PPHLN1: variants seen among roughly 807,000 people sequenced by gnomAD.
PPHLN1 encodes the protein periphilin 1, also known as periphilin-1.
PPHLN1 carries 29 observed loss-of-function variants against 51.3 expected under a neutral mutation model. The observed-to-expected ratio is 0.57, with a 90% CI of 0.42 to 0.77. The LOEUF is 0.77. Ranked by LOEUF, PPHLN1 falls within the 30% of genes least tolerant of loss-of-function variation. The pLI is 0.00. For missense variants in PPHLN1, 436 were observed against 438.4 expected, an observed-to-expected ratio of 0.99 and a Z score of 0.05; for synonymous variants, 147 against 147.8, an observed-to-expected ratio of 0.99 and a Z score of 0.04.
At chr12:42,410,148 CTT>C (rs561114989) in intron 9 of PPHLN1, among the ~76,000 whole-genome samples, 18 of 151,036 alleles carry the variant, frequency 1.2e-4, no homozygotes, top group Non-Finnish European at 2.2e-4. Context: ...TCAGTAGAGG[CTT>C]TCTTACATAC....
At chr12:42,344,220 G>GT (rs2071928700) in intron 2 of PPHLN1, among the ~76,000 whole-genome samples, 1 of 152,168 alleles carries the variant, frequency 6.6e-6, no homozygotes, top group South Asian at 2.1e-4. Flanking sequence ...CATTTGCATT[G>GT]TAAGTTGATT....
intron 9 of PPHLN1, chr12:42,431,945 T>C (rs1449242777): frequency 2.7e-6 from 4 of 1,504,896 alleles, no homozygotes; most frequent in Non-Finnish European, 3.7e-6. Context: ...CGATTAGTAC[T>C]GTGATGAGAT....
intron 4 of PPHLN1, among the ~76,000 whole-genome samples, chr12:42,364,953 A>G (rs2075113341): frequency 6.6e-6 from 1 of 152,196 alleles, no homozygotes; most frequent in African/African-American, 2.4e-5. Flanking sequence ...AAGATCTCTT[A>G]GTCCATATCT....
At chr12:42,408,637 T>C (rs182103416) in intron 9 of PPHLN1, among the ~76,000 whole-genome samples, 116 of 152,342 alleles carry the variant, frequency 7.6e-4, no homozygotes, top group Non-Finnish European at 1.4e-3. Context: ...ACTTAACTTT[T>C]CTGAGCCTTG....
chr12:42,407,971 G>A (rs1476407121), intron 9 of PPHLN1, among the ~76,000 whole-genome samples: 1 of 152,170 alleles, frequency 6.6e-6, no homozygotes, highest in Admixed American at 6.5e-5. Context: ...TGTACCAGAA[G>A]GTAGGGATCA....
At chr12:42,390,356 G>A (rs974669235) in intron 7 of PPHLN1, among the ~76,000 whole-genome samples, 27 of 151,986 alleles carry the variant, frequency 1.8e-4, no homozygotes, top group African/African-American at 6.3e-4. Context: ...CACTGCCTTG[G>A]TTTTCATGTC....
intron 9 of PPHLN1, among the ~76,000 whole-genome samples, chr12:42,424,473 TA>T (rs1376614746): frequency 1.3e-5 from 2 of 152,234 alleles, no homozygotes; most frequent in Non-Finnish European, 2.9e-5. Flanking sequence ...ACCAGTTTTT[TA>T]TAAGTTAGTG....
At chr12:42,374,195 T>G (rs2076042764) in intron 4 of PPHLN1, among the ~76,000 whole-genome samples, 1 of 152,196 alleles carries the variant, frequency 6.6e-6, no homozygotes, top group Non-Finnish European at 1.5e-5. Flanking sequence ...TAAGTGTTTT[T>G]GAGAATGTGG....
chr12:42,430,811 C>T (rs929838011), intron 9 of PPHLN1, among the ~76,000 whole-genome samples: 2 of 151,892 alleles, frequency 1.3e-5, no homozygotes, highest in Admixed American at 1.3e-4. Context: ...TGTGTTATCT[C>T]TTTTTTTTGG....
chr12:42,343,962 A>T lies in PPHLN1; in HGVS notation c.73-7923A>T, dbSNP rs1276403107. On this transcript the variant is annotated intron_variant, in intron 2 of 9. Coordinates refer to ENST00000358314, the MANE Select transcript of PPHLN1 (RefSeq NM_201439.2). ...AGAATGTATGTCATAGACTATAGGG[A>T]TCAGAGTTAGGAAATTACAAGCTTA... 6 of 384,644 alleles carry T rather than the reference A, an allele frequency of 1.6e-5. No homozygotes were observed. In the Admixed American group the frequency reaches 2.2e-4, roughly 14 times the overall value. The allele number at this position is 384,644 out of a possible 1,614,324, so 23.8% of individuals were successfully genotyped here.
At position 42,351,963 on chromosome 12, in the gene PPHLN1, A is replaced by G; in HGVS notation, c.151A>G (p.Arg51Gly). Reference protein sequence around the residue: ...LDRPGEGSYNRYYSHVDYRDY... With the variant: ...LDRPGEGSYNGYYSHVDYRDY... The stretch of plus-strand genomic sequence containing the variant: ...CAGACCTGGTGAAGGAAGCTACAAT[A>G]GATATTACAGTCATGTTGATTACCG... Residue 51 changes from arginine to glycine, a missense_variant, in exon 3 of 10, where the codon AGA becomes GGA. Coordinates refer to ENST00000358314, the MANE Select transcript of PPHLN1 (RefSeq NM_201439.2). 1 of 1,583,336 alleles carries G rather than the reference A, an allele frequency of 6.3e-7. No homozygotes were observed. The highest frequency in any genetic ancestry group is 2.3e-5 in the East Asian group (1 of 43,194).
At position 42,360,941 on chromosome 12, in the gene PPHLN1, C is replaced by G. The variant is rs141719865; in HGVS notation, c.299+5719C>G. The stretch of plus-strand genomic sequence containing the variant: ...CCTGAAATTGCTTTGTGTGGAGATA[C>G]TTTGAAACTATGTGATTGAATCATT... On this transcript the variant is annotated intron_variant, in intron 4 of 9. Coordinates refer to ENST00000358314, the MANE Select transcript of PPHLN1 (RefSeq NM_201439.2). Among the ~76,000 whole-genome samples the G allele has an allele frequency of 2.0e-5, 3 of 152,246 alleles. No individual in the cohort carries two copies. In the East Asian group the frequency reaches 5.8e-4, roughly 29 times the overall value.
intron 2 of PPHLN1, among the ~76,000 whole-genome samples, chr12:42,349,801 A>G (rs2072949949): frequency 6.6e-6 from 1 of 152,110 alleles, no homozygotes; most frequent in South Asian, 2.1e-4. Context: ...TCCTACGTCT[A>G]CTTCTTTCTA....
chr12:42,357,013 T>C (rs1299192873), intron 4 of PPHLN1, among the ~76,000 whole-genome samples: 16 of 152,200 alleles, frequency 1.1e-4, no homozygotes, highest in Admixed American at 1.0e-3. Context: ...ATTAGAAAAT[T>C]TGTTTTCAAA....
chr12:42,404,050 T>C (rs1192154792), intron 9 of PPHLN1, among the ~76,000 whole-genome samples: 4 of 152,148 alleles, frequency 2.6e-5, no homozygotes, highest in African/African-American at 9.7e-5. Context: ...TTTTTCTTTT[T>C]TTTGAAACGA....
At chr12:42,446,642 G>C (rs746742347), downstream of PPHLN1, 58 of 1,612,504 alleles carry the variant, frequency 3.6e-5, no homozygotes, top group Non-Finnish European at 4.7e-5. Context: ...CAAAACTGTT[G>C]CTGCACACAT....
At chr12:42,355,891 T>A (rs966958736) in intron 4 of PPHLN1, among the ~76,000 whole-genome samples, 1 of 152,208 alleles carries the variant, frequency 6.6e-6, no homozygotes, top group African/African-American at 2.4e-5. Flanking sequence ...AAGGCTTTTT[T>A]TCAGAAGTAT....
intron 9 of PPHLN1, among the ~76,000 whole-genome samples, chr12:42,413,303 G>C (rs1268042393): frequency 1.3e-5 from 2 of 152,160 alleles, no homozygotes; most frequent in Non-Finnish European, 2.9e-5. Flanking sequence ...AAAGGTGAGA[G>C]ATAGAGATCC....
downstream of PPHLN1, chr12:42,443,051 GGCC>G: frequency 8.8e-5 from 24 of 274,142 alleles, no homozygotes; most frequent in South Asian, 2.5e-4. Flanking sequence ...TAACGTTATG[GGCC>G]TTAGTTAAGG....
Sources: gnomAD v4.1 joint callset for allele counts (sites outside exome capture counted in the v4.1 genomes callset) on GRCh38, gnomAD v4.1.1 for gene constraint, MANE v1.5 for transcripts, NCBI Gene and HGNC (gene_info 2026-07-23, HGNC 2026-07-21) for gene names.